RANBP2: variants seen among roughly 807,000 people sequenced by gnomAD.
The protein encoded by RANBP2 is E3 SUMO-protein ligase RanBP2.
In RANBP2, 57 loss-of-function variants were observed where a neutral mutation model predicts 303.6. That is an observed-to-expected ratio of 0.19 (90% CI 0.15 to 0.23). The LOEUF (loss-of-function observed/expected upper bound fraction) is 0.23, where lower values mean the gene tolerates loss of function less well. Ranked by LOEUF, RANBP2 falls within the 10% of genes least tolerant of loss-of-function variation. The probability of loss-of-function intolerance (pLI) is 1.00; values close to 1 mark genes in which losing one functional copy is unlikely to be tolerated. For missense variants in RANBP2, 3,138 were observed against 3,780.8 expected, an observed-to-expected ratio of 0.83 and a Z score of 4.46; for synonymous variants, 1,167 against 1,301.5, an observed-to-expected ratio of 0.90 and a Z score of 2.23.
At chr2:109,680,692 C>A in the RANBP2 span, among the ~76,000 whole-genome samples, 43 of 152,178 alleles carry the variant, frequency 2.8e-4, no homozygotes, top group Non-Finnish European at 5.3e-4. Context: ...ACTTTCTCAG[C>A]CACCGGAATC....
the RANBP2 span, among the ~76,000 whole-genome samples, chr2:108,792,647 T>A: frequency 6.6e-6 from 1 of 152,226 alleles, no homozygotes; most frequent in Admixed American, 6.5e-5. Context: ...CTTTTCATTT[T>A]AAAAAATTCA....
At chr2:109,648,733 A>C in the RANBP2 span, among the ~76,000 whole-genome samples, 1 of 147,540 alleles carries the variant, frequency 6.8e-6, no homozygotes, top group East Asian at 2.0e-4. Flanking sequence ...GGCTCACATC[A>C]ACCCCTGCCG....
At chr2:109,247,567 C>A in the RANBP2 span, among the ~76,000 whole-genome samples, 1 of 152,344 alleles carries the variant, frequency 6.6e-6, no homozygotes, top group East Asian at 1.9e-4. Context: ...TGCAGAAACT[C>A]TTGCCTGGTT....
the RANBP2 span, among the ~76,000 whole-genome samples, chr2:109,194,117 G>A: frequency 3.3e-4 from 51 of 152,260 alleles, no homozygotes; most frequent in African/African-American, 1.2e-3. Context: ...GGATGCATGG[G>A]CAGTTGCTGT....
the RANBP2 span, among the ~76,000 whole-genome samples, chr2:109,696,938 C>T: frequency 2.0e-5 from 3 of 152,106 alleles, no homozygotes; most frequent in Non-Finnish European, 2.9e-5. Flanking sequence ...CCACCATGCC[C>T]AGCTAATTTT....
chr2:109,024,114 G>A, the RANBP2 span, among the ~76,000 whole-genome samples: 9 of 152,094 alleles, frequency 5.9e-5, no homozygotes, highest in East Asian at 1.7e-3. Flanking sequence ...TAGTAGAGAC[G>A]GGGTTTCTCC....
chr2:109,115,373 A>C, the RANBP2 span, among the ~76,000 whole-genome samples: 1 of 151,928 alleles, frequency 6.6e-6, no homozygotes. Context: ...TGATCCCTTT[A>C]CCATTATGTA....
At chr2:109,474,711 T>C in the RANBP2 span, among the ~76,000 whole-genome samples, 1 of 152,172 alleles carries the variant, frequency 6.6e-6, no homozygotes, top group Admixed American at 6.5e-5. Context: ...CGCAGATACT[T>C]CACCACCATC....
the RANBP2 span, among the ~76,000 whole-genome samples, chr2:109,692,810 T>C: frequency 4.3e-5 from 6 of 140,942 alleles, no homozygotes; most frequent in Admixed American, 1.5e-4. Context: ...TATTTCTTTT[T>C]TCTTTCTTTC....
At chr2:109,237,910 A>G in the RANBP2 span, among the ~76,000 whole-genome samples, 1 of 152,256 alleles carries the variant, frequency 6.6e-6, no homozygotes, top group Non-Finnish European at 1.5e-5. Context: ...TATGGTATAT[A>G]AATTAACTTA....
the RANBP2 span, among the ~76,000 whole-genome samples, chr2:108,853,766 T>A: frequency 1.4e-5 from 2 of 145,200 alleles, no homozygotes; most frequent in Non-Finnish European, 3.0e-5. Context: ...GCTGAAGCTG[T>A]CTTCCCCTCT....
the RANBP2 span, among the ~76,000 whole-genome samples, chr2:108,833,078 A>T: frequency 6.6e-6 from 1 of 152,218 alleles, no homozygotes; most frequent in Non-Finnish European, 1.5e-5. Context: ...CAAAAACTGG[A>T]GTAAAGAGAT....
chr2:109,255,373 G>T, the RANBP2 span, among the ~76,000 whole-genome samples: 8 of 152,180 alleles, frequency 5.3e-5, no homozygotes, highest in African/African-American at 1.9e-4. Flanking sequence ...GCTTTATTCG[G>T]TTAACTTTAC....
At chr2:108,899,900 C>T in the RANBP2 span, among the ~76,000 whole-genome samples, 12 of 152,108 alleles carry the variant, frequency 7.9e-5, no homozygotes, top group East Asian at 1.6e-3. Flanking sequence ...GCAGGAGAAT[C>T]GCTTGAACCT....
At chr2:108,805,015 C>G in the RANBP2 span, 1 of 1,481,220 alleles carries the variant, frequency 6.8e-7, no homozygotes, top group Non-Finnish European at 9.1e-7. Flanking sequence ...ACAGGTAAGA[C>G]CTGTTTTAAT....
the RANBP2 span, among the ~76,000 whole-genome samples, chr2:109,330,314 G>T: frequency 6.6e-6 from 1 of 152,072 alleles, no homozygotes; most frequent in East Asian, 1.9e-4. Flanking sequence ...AAGAAAAGGG[G>T]CAAAATTCTT....
At chr2:108,760,124 GT>G (rs1676623813) in intron 18 of RANBP2, among the ~76,000 whole-genome samples, 1 of 152,054 alleles carries the variant, frequency 6.6e-6, no homozygotes, top group Non-Finnish European at 1.5e-5. Context: ...GATGGTCCTT[GT>G]TTTTTAAAAA....
At chr2:108,983,735 A>C in the RANBP2 span, among the ~76,000 whole-genome samples, 1 of 152,238 alleles carries the variant, frequency 6.6e-6, no homozygotes, top group Non-Finnish European at 1.5e-5. Flanking sequence ...GGGGCAGGGA[A>C]GCCACCTTCT....
the RANBP2 span, among the ~76,000 whole-genome samples, chr2:108,974,965 C>T: frequency 4.6e-5 from 7 of 152,124 alleles, no homozygotes; most frequent in Non-Finnish European, 8.8e-5. Flanking sequence ...AGGAAGAGCC[C>T]ATCAACCCCT....
Sources: allele counts gnomAD v4.1 joint callset (sites outside exome capture counted in the v4.1 genomes callset), GRCh38; gene constraint gnomAD v4.1.1; transcripts MANE v1.5; gene names NCBI Gene and HGNC (gene_info 2026-07-23, HGNC 2026-07-21).